The following FAM200A variants were observed in gnomAD, a reference collection of about 807,000 sequenced individuals.
FAM200A encodes the protein ZBED8 like.
In FAM200A, 26 loss-of-function variants were observed where a neutral mutation model predicts 44.2. The observed-to-expected ratio is 0.59, with a 90% CI of 0.43 to 0.82. FAM200A has a LOEUF of 0.82. FAM200A is among the 40% of genes least tolerant of loss of function. The pLI is 0.00. For synonymous variants in FAM200A, 206 were observed against 244.4 expected (o/e 0.84, Z 1.47); for missense variants, 606 against 669.5 (o/e 0.91, Z 1.05).
chr7:99,546,707 T>C lies in FAM200A; in HGVS notation c.1701A>G (p.Arg567=). The part of the protein sequence containing the change: ...CVPDWKELMN[R]QAHPSH ...GTATTTAATGTGATGGGTGTGCTTG[T>C]CTGTTCATAAGTTCCTTCCAGTCAG... Residue 567 remains arginine (R), a synonymous_variant, in exon 2 of 2, where the codon AGA becomes AGG. Transcript: ENST00000449309. 2 of 1,532,798 alleles carry C rather than the reference T, an allele frequency of 1.3e-6. No homozygotes were observed. The highest frequency in any genetic ancestry group is 1.8e-6 in the Non-Finnish European group (2 of 1,140,290). The allele number at this position is 1,532,798 out of a possible 1,614,324, so 94.9% of individuals were successfully genotyped here.
rs574108420 is a variant in FAM200A, at chr7:99,546,529, T to C, written c.*157A>G. On this transcript the variant is annotated 3_prime_UTR_variant, in exon 2 of 2. Coordinates refer to ENST00000449309, the MANE Select transcript of FAM200A (RefSeq NM_145111.4). ...GACTGCAGGCATGTGCCACCACGCC[T>C]GGCTAAGGTTTCTATTTTTAGTAGA... The C allele has an allele frequency of 1.2e-4, 85 of 727,524 alleles. No homozygotes were observed. The Admixed American group carries it at 1.5e-3, about 13-fold the overall frequency. 45.1% of individuals were successfully genotyped at this position (727,524 alleles called of 1,614,324 possible).
intron 1 of FAM200A, among the ~76,000 whole-genome samples, chr7:99,550,850 G>A (rs1056316679): frequency 6.6e-6 from 1 of 152,108 alleles, no homozygotes; most frequent in African/African-American, 2.4e-5. Flanking sequence ...CGAGGCGGGC[G>A]GATCACCTGA....
chr7:99,558,124 C>A (rs944172776), intron 1 of FAM200A, among the ~76,000 whole-genome samples: 7 of 152,188 alleles, frequency 4.6e-5, no homozygotes, highest in Admixed American at 4.6e-4. Flanking sequence ...CCCGCTTTCC[C>A]CAAGGACCTA....
upstream of FAM200A, among the ~76,000 whole-genome samples, chr7:99,555,778 C>T (rs973548348): frequency 2.0e-5 from 3 of 151,938 alleles, no homozygotes; most frequent in African/African-American, 7.3e-5. Context: ...TGGTGGCGGG[C>T]GCCTGTAATC....
chr7:99,546,823 C>G lies in FAM200A; in HGVS notation c.1585G>C (p.Gly529Arg). ...TTTAACCGTGTCAAGATTGAAAATC[C>G]TAGTTCACACAAATATGTAGTTGTG... Reference protein sequence around the residue: ...PFTTTYLCELGFSILTRLKTK... With the variant: ...PFTTTYLCELRFSILTRLKTK... The change falls in exon 2 of 2, where the codon GGA (glycine) becomes CGA (arginine). Residue 529 changes from glycine (G) to arginine (R), a missense_variant. By Grantham distance (125) the Gly-to-Arg change is moderately radical. Transcript: ENST00000449309. 6.4e-7 allele frequency: 1 copy of G among 1,551,614 alleles called. No homozygotes were observed. Among genetic ancestry groups the G allele is most frequent in the Non-Finnish European group, 8.7e-7 (1 of 1,146,978 alleles).
chr7:99,552,077 C>T lies in FAM200A; in HGVS notation c.-323G>A, dbSNP rs930861956. The T allele has an allele frequency of 7.1e-6, 7 of 985,388 alleles. 1 individual carries two copies. The South Asian group carries it at 1.9e-4, about 26-fold the overall frequency. 61.0% of individuals were successfully genotyped at this position (985,388 alleles called of 1,614,324 possible). ...GGACCAGGAGCACTAGACTCACATC[C>T]AAGCCCCCTGGCCTTCAGAGCCCAG... On this transcript the variant is annotated 5_prime_UTR_variant, in exon 1 of 2. Transcript: ENST00000449309.
At chr7:99,552,384 G>T (rs1357995039), upstream of FAM200A, among the ~76,000 whole-genome samples, 1 of 147,964 alleles carries the variant, frequency 6.8e-6, no homozygotes, top group Non-Finnish European at 1.5e-5. Context: ...AATAGTGATT[G>T]TCTGTGGCAG....
rs1802394920 is a variant in FAM200A, at chr7:99,546,755, C to T, written c.1653G>A (p.Arg551=). The T allele has an allele frequency of 1.3e-6, 2 of 1,550,194 alleles. No individual in the cohort carries two copies. The highest frequency in any genetic ancestry group is 1.7e-6 in the Non-Finnish European group (2 of 1,146,632). ...RNRLNSAPDM[R]VALSSCVPDW... ...CAGGAACACATGAAGATAATGCTAC[C>T]CGCATATCTGGTGCACTATTGAGCC... is the stretch of plus-strand genomic sequence containing the variant. The change falls in exon 2 of 2, where the codon CGG becomes CGA. Residue 551 remains arginine, a synonymous_variant. Coordinates refer to ENST00000449309, the MANE Select transcript of FAM200A (RefSeq NM_145111.4).
chr7:99,547,997 A>G lies in FAM200A; in HGVS notation c.411T>C (p.Gly137=). ...EAMLITRLQS[G]IDFAIQLDES... ...CATCGAGTTGGATTGCAAAGTCTAT[A>G]CCGGACTGCAGCCGTGTAATAAGCA... The change falls in exon 2 of 2, where the codon GGT becomes GGC. Residue 137 remains glycine (G), a synonymous_variant. Transcript: ENST00000449309. 1 of 1,551,542 alleles carries G rather than the reference A, an allele frequency of 6.4e-7. No individual in the cohort carries two copies. Among genetic ancestry groups the G allele is most frequent in the East Asian group, 2.4e-5 (1 of 40,918 alleles).
chr7:99,552,731 C>T (rs1032379559), upstream of FAM200A, among the ~76,000 whole-genome samples: 1 of 151,940 alleles, frequency 6.6e-6, no homozygotes, highest in African/African-American at 2.4e-5. Context: ...GTAACTGAGA[C>T]CTTGAATGGC....
chr7:99,554,170 A>G (rs548345322), upstream of FAM200A, among the ~76,000 whole-genome samples: 11 of 152,158 alleles, frequency 7.2e-5, no homozygotes, highest in African/African-American at 2.4e-4. Context: ...TGAGAGTTAC[A>G]TCAGCCTTGG....
chr7:99,551,011 G>A (rs964593263), intron 1 of FAM200A, among the ~76,000 whole-genome samples: 1 of 151,860 alleles, frequency 6.6e-6, no homozygotes, highest in Non-Finnish European at 1.5e-5. Context: ...GGCGCTGGAG[G>A]TTGCAGTGAG....
In FAM200A at chr7:99,547,398, T is replaced by G; in HGVS notation, c.1010A>C (p.Asp337Ala). The G allele has an allele frequency of 1.3e-6, 2 of 1,551,058 alleles. No individual in the cohort carries two copies. Among genetic ancestry groups the G allele is most frequent in the Non-Finnish European group, 1.7e-6 (2 of 1,146,858 alleles). ...KQSHLANIFE[D>A]DIWVTKLAYL... ...TGCCAATTTTGTTACCCAAATGTCG[T>G]CTTCAAAAATATTTGCCAAATGAGA... The change falls in exon 2 of 2, where the codon GAC becomes GCC. Residue 337 changes from aspartate (D) to alanine (A), a missense_variant. Physicochemically the swap from Asp to Ala is moderately radical, Grantham distance 126 (BLOSUM62 -2). Coordinates refer to ENST00000449309, the MANE Select transcript of FAM200A (RefSeq NM_145111.4).
In FAM200A at chr7:99,547,214, CAT is replaced by C. The variant is rs1802409166; in HGVS notation, c.1192_1193del (p.Met398ValfsTer14). 2 of 1,550,524 alleles carry C rather than the reference CAT, an allele frequency of 1.3e-6. No homozygotes were observed. The highest frequency in any genetic ancestry group is 1.7e-6 in the Non-Finnish European group (2 of 1,146,712). On this transcript the variant is annotated frameshift_variant, in exon 2 of 2. Coordinates refer to ENST00000449309, the MANE Select transcript of FAM200A (RefSeq NM_145111.4). LOFTEE classifies it high-confidence loss of function. ...CGATGTGTTGCAATAATGTTGGAAA[CAT>C]ATAGTAGCTAGGGCGGTTACTTTTA... is the stretch of plus-strand genomic sequence containing the variant. ...RLKSNRPSYY[M>X]FPTLLQHIEE...
chr7:99,558,494 A>AGAT (rs1164218875), exon 1 of FAM200A: 2 of 152,434 alleles, frequency 1.3e-5, no homozygotes, highest in East Asian at 3.9e-4. Flanking sequence ...CCTTCGAATC[A>AGAT]TGGACGCGCG....
chr7:99,549,876 A>G (rs1217645029), intron 1 of FAM200A, among the ~76,000 whole-genome samples: 2 of 152,062 alleles, frequency 1.3e-5, no homozygotes, highest in Non-Finnish European at 2.9e-5. Flanking sequence ...AGGGTGGGGA[A>G]CATCACACAG....
At chr7:99,553,387 G>T (rs1368336239), upstream of FAM200A, among the ~76,000 whole-genome samples, 3 of 152,040 alleles carry the variant, frequency 2.0e-5, no homozygotes, top group Admixed American at 6.6e-5. Flanking sequence ...ACTGAATGCA[G>T]TTGACTGGGT....
chr7:99,549,743 T>C (rs1802486500), intron 1 of FAM200A, among the ~76,000 whole-genome samples: 1 of 152,232 alleles, frequency 6.6e-6, no homozygotes, highest in Non-Finnish European at 1.5e-5. Flanking sequence ...GTTTATGTCC[T>C]TTGTAGGGAC....
intron 1 of FAM200A, among the ~76,000 whole-genome samples, chr7:99,557,474 GTCAACAGGAACAATAGATAGACA>G (rs1377866888): frequency 6.6e-6 from 1 of 152,208 alleles, no homozygotes; most frequent in Admixed American, 6.5e-5. Context: ...CTGGGGACCT[GTCAACAGGAACAATAGATAGACA>G]TCACCAGGGG....
Sources: gnomAD v4.1 joint callset for allele counts (sites outside exome capture counted in the v4.1 genomes callset) on GRCh38, gnomAD v4.1.1 for gene constraint, MANE v1.5 for transcripts, NCBI Gene and HGNC (gene_info 2026-07-23, HGNC 2026-07-21) for gene names.